Variants in NDUFS4 observed in about 807,000 individuals in gnomAD.
NDUFS4 encodes NADH:ubiquinone oxidoreductase subunit S4.
NDUFS4 carries 28 observed loss-of-function variants against 24.3 expected under a neutral mutation model. The observed-to-expected ratio is 1.15, with a 90% CI of 0.85 to 1.58. The LOEUF (loss-of-function observed/expected upper bound fraction) is 1.58. NDUFS4 is among the 40% of genes most tolerant of loss of function. NDUFS4 has a pLI of 0.00. For missense variants in NDUFS4, 223 were observed against 207.9 expected, an observed-to-expected ratio of 1.07 and a Z score of -0.45; for synonymous variants, 93 against 69.7, an observed-to-expected ratio of 1.34 and a Z score of -1.67.
At chr5:53,651,551 C>T (rs995846381) in intron 3 of NDUFS4, among the ~76,000 whole-genome samples, 5 of 151,506 alleles carry the variant, frequency 3.3e-5, no homozygotes, top group African/African-American at 1.2e-4. Context: ...TAAAACCTGG[C>T]TAGATAAGTC....
intron 1 of NDUFS4, among the ~76,000 whole-genome samples, 153 bp from the exon 2 acceptor site, chr5:53,603,299 A>G (rs190363728): frequency 6.3e-4 from 96 of 151,862 alleles, no homozygotes; most frequent in Admixed American, 2.8e-3. Context: ...TTGCAGAGAA[A>G]AAGGACTTTT....
chr5:53,648,393 T>C (rs1751923518), intron 3 of NDUFS4, among the ~76,000 whole-genome samples: 1 of 152,210 alleles, frequency 6.6e-6, no homozygotes, highest in Admixed American at 6.5e-5. Context: ...TGGAGGAACA[T>C]TTGGCTTCCA....
intron 2 of NDUFS4, among the ~76,000 whole-genome samples, chr5:53,622,957 C>T (rs1751098586): frequency 6.6e-6 from 1 of 152,106 alleles, no homozygotes; most frequent in Non-Finnish European, 1.5e-5. Context: ...GAATTTCATT[C>T]CTTTTAAAGG....
chr5:53,654,603 GCTAATCAAA>G lies in NDUFS4; in HGVS notation c.351-3943_351-3935del, dbSNP rs562491012. ...TGACCACCTGATATTTCTGAATGGT[GCTAATCAAA>G]CTAACAGCATTTAGAGCCACTTATA... On this transcript the variant is annotated intron_variant, in intron 3 of 4. Coordinates refer to ENST00000296684, the MANE Select transcript of NDUFS4 (RefSeq NM_002495.4). 1.5e-4 allele frequency among the ~76,000 whole-genome samples: 23 copies of G among 152,108 alleles called. No homozygotes were observed. The East Asian group carries it at 4.3e-3, about 28-fold the overall frequency.
chr5:53,581,679 C>T (rs896752801), intron 1 of NDUFS4, among the ~76,000 whole-genome samples: 8 of 152,056 alleles, frequency 5.3e-5, no homozygotes, highest in Non-Finnish European at 1.0e-4. Context: ...GCAGTTTAAC[C>T]ATCATTTTCT....
chr5:53,591,010 C>T (rs1314877526), intron 1 of NDUFS4, among the ~76,000 whole-genome samples: 1 of 152,118 alleles, frequency 6.6e-6, no homozygotes, highest in Non-Finnish European at 1.5e-5. Context: ...TTTAGATACC[C>T]CATATAAATA....
At chr5:53,637,138 A>G (rs550205589) in intron 2 of NDUFS4, among the ~76,000 whole-genome samples, 2 of 152,236 alleles carry the variant, frequency 1.3e-5, no homozygotes, top group African/African-American at 4.8e-5. Flanking sequence ...TCTCGAGACT[A>G]GAAGGCCAAG....
intron 2 of NDUFS4, among the ~76,000 whole-genome samples, chr5:53,618,199 C>T (rs1336392296): frequency 1.3e-5 from 2 of 152,126 alleles, no homozygotes; most frequent in Non-Finnish European, 2.9e-5. Flanking sequence ...TATTAATACT[C>T]AGGAGATTGA....
chr5:53,588,123 T>G (rs1749826547), intron 1 of NDUFS4, among the ~76,000 whole-genome samples: 2 of 152,156 alleles, frequency 1.3e-5, no homozygotes, highest in South Asian at 4.1e-4. Context: ...GTCACACAAA[T>G]TTTTTGGTTT....
intron 4 of NDUFS4, among the ~76,000 whole-genome samples, chr5:53,663,542 A>G (rs1752412261): frequency 6.6e-6 from 1 of 152,108 alleles, no homozygotes; most frequent in Non-Finnish European, 1.5e-5. Flanking sequence ...TATATTTAGG[A>G]TAGTTAGCTC....
chr5:53,627,562 A>G (rs960184182), intron 2 of NDUFS4, among the ~76,000 whole-genome samples: 1 of 152,000 alleles, frequency 6.6e-6, no homozygotes, highest in African/African-American at 2.4e-5. Context: ...TTCTTTTTGC[A>G]GTGGTTTGTA....
At chr5:53,606,971 A>G (rs1487813925) in intron 2 of NDUFS4, among the ~76,000 whole-genome samples, 2 of 152,268 alleles carry the variant, frequency 1.3e-5, no homozygotes, top group Non-Finnish European at 2.9e-5. Context: ...TTTAGAGAAT[A>G]ATGACAAGAA....
intron 1 of NDUFS4, among the ~76,000 whole-genome samples, chr5:53,580,144 A>G (rs138853739): frequency 1.1e-3 from 165 of 152,334 alleles, no homozygotes; most frequent in African/African-American, 3.8e-3. Flanking sequence ...ATTATCCACC[A>G]TGACTTCATT....
chr5:53,626,331 C>A (rs1206104427), intron 2 of NDUFS4, among the ~76,000 whole-genome samples: 1 of 152,094 alleles, frequency 6.6e-6, no homozygotes, highest in African/African-American at 2.4e-5. Context: ...GTCGTGAACA[C>A]TGCCGCAATA....
In NDUFS4 at chr5:53,621,980, G is replaced by A. The variant is rs144089117; in HGVS notation, c.177+18450G>A. Reference sequence around the variant, plus strand: ...CTCCCAAAGTGCTGGGATTACAGGCGTGAGCCACCGCGCCCGGCCGTAAAT... The same window carrying A: ...CTCCCAAAGTGCTGGGATTACAGGCATGAGCCACCGCGCCCGGCCGTAAAT... On this transcript the variant is annotated intron_variant, in intron 2 of 4. Coordinates refer to ENST00000296684, the MANE Select transcript of NDUFS4 (RefSeq NM_002495.4). Among the ~76,000 whole-genome samples, 716 of 152,106 alleles carry A rather than the reference G, an allele frequency of 4.7e-3. 6 individuals carry two copies. The highest frequency in any genetic ancestry group is 0.016 in the African/African-American group (684 of 41,488).
At chr5:53,588,070 T>A (rs925807865) in intron 1 of NDUFS4, among the ~76,000 whole-genome samples, 4 of 152,142 alleles carry the variant, frequency 2.6e-5, no homozygotes, top group Non-Finnish European at 5.9e-5. Context: ...GCAGGTTTGG[T>A]TCCAGACCAC....
Position 53,683,278 on chromosome 5 carries a change from A to G in NDUFS4, c.*57A>G, listed in dbSNP as rs902127451. 5 of 1,205,168 alleles carry G rather than the reference A, an allele frequency of 4.1e-6. No homozygotes were observed. The highest frequency in any genetic ancestry group is 6.2e-6 in the Non-Finnish European group (5 of 808,242). 74.7% of individuals were successfully genotyped at this position (1,205,168 alleles called of 1,614,324 possible). A position where few individuals can be genotyped will look rare whatever the true frequency, so the allele number is the denominator to read the frequency against. ...GAATAAAGTCAGCTGTGCAGTATTT[A>G]TAGTCCATGTATAATAAATACATCT... On this transcript the variant is annotated 3_prime_UTR_variant, in exon 5 of 5. Transcript: ENST00000296684.
rs60641476 is a variant in NDUFS4 at position 53,571,558 on chromosome 5, A to T, written c.98+10798A>T. Among the ~76,000 whole-genome samples, 437 of 152,352 alleles carry T rather than the reference A, an allele frequency of 2.9e-3. 1 individual carries two copies. Among genetic ancestry groups the T allele is most frequent in the African/African-American group, 0.01 (420 of 41,578 alleles). ...GGTATATACCTCGGAGTAGAATTGC[A>T]GGATAATGTAATAACTCTATATTTA... On this transcript the variant is annotated intron_variant, in intron 1 of 4. Coordinates refer to ENST00000296684, the MANE Select transcript of NDUFS4 (RefSeq NM_002495.4).
At chr5:53,671,311 T>C (rs558129140) in intron 4 of NDUFS4, among the ~76,000 whole-genome samples, 6 of 152,270 alleles carry the variant, frequency 3.9e-5, no homozygotes, top group African/African-American at 1.4e-4. Context: ...AGCTCTCTCT[T>C]CTTTACCTCA....
Sources: allele counts gnomAD v4.1 joint callset (sites outside exome capture counted in the v4.1 genomes callset), GRCh38; gene constraint gnomAD v4.1.1; transcripts MANE v1.5; gene names NCBI Gene and HGNC (gene_info 2026-07-23, HGNC 2026-07-21).